Variants in ERICH5 observed in about 807,000 individuals in gnomAD.
ERICH5 encodes glutamate rich 5, also known as glutamate-rich protein 5.
Under a neutral mutation model 28.0 loss-of-function variants are expected in ERICH5, and 24 were observed. The observed-to-expected ratio is 0.86, with a 90% CI of 0.62 to 1.21. The LOEUF is 1.21. Ranked by LOEUF, ERICH5 falls within the 50% of genes most tolerant of loss-of-function variation. The pLI, the probability that ERICH5 is intolerant of heterozygous loss-of-function variation, is 0.00. For missense variants in ERICH5, 421 were observed against 441.2 expected (o/e 0.95, Z 0.41); for synonymous variants, 163 against 157.6 (o/e 1.03, Z -0.25).
chr8:98,089,536 G>A lies in ERICH5; in HGVS notation c.519G>A (p.Val173=). 1 of 1,614,180 alleles carries A rather than the reference G, an allele frequency of 6.2e-7. No homozygotes were observed. Among genetic ancestry groups the A allele is most frequent in the Non-Finnish European group, 8.5e-7 (1 of 1,180,024 alleles). ...TAGAGAAGGACTCTCTCAGAGCAGT[G>A]GAGGTCACTGAGAATCCACAAACTG... ...AAVEKDSLRA[V]EVTENPQTAA... The change falls in exon 2 of 3, where the codon GTG becomes GTA. Residue 173 remains valine (V), a synonymous_variant. Coordinates refer to ENST00000318528, the MANE Select transcript of ERICH5 (RefSeq NM_173549.3).
At chr8:98,068,387 C>T (rs1011515934) in intron 1 of ERICH5, among the ~76,000 whole-genome samples, 2 of 152,106 alleles carry the variant, frequency 1.3e-5, no homozygotes, top group African/African-American at 2.4e-5. Context: ...CTCCTCACAG[C>T]GTAGAACAGT....
Position 98,090,791 on chromosome 8 carries a change from G to A in ERICH5, c.1012+762G>A, listed in dbSNP as rs539926303. Among the ~76,000 whole-genome samples the A allele has an allele frequency of 2.1e-3, 314 of 152,044 alleles. 2 individuals are homozygous for A. The highest frequency in any genetic ancestry group is 7.1e-3 in the African/African-American group (294 of 41,474). ...GATGTTTACAGTGTTCTTTATTGGT[G>A]TTATAATTTAAAAAAATATTTTCTT... On this transcript the variant is annotated intron_variant, in intron 2 of 2. Transcript: ENST00000318528.
At chr8:98,073,905 AT>A (rs1814998801) in intron 1 of ERICH5, among the ~76,000 whole-genome samples, 2 of 119,540 alleles carry the variant, frequency 1.7e-5, no homozygotes, top group African/African-American at 3.4e-5. Context: ...CACTTTTTAA[AT>A]TTTTCTCTCT....
chr8:98,092,465 C>T (rs1009004425), intron 2 of ERICH5, among the ~76,000 whole-genome samples: 4 of 152,144 alleles, frequency 2.6e-5, no homozygotes, highest in Non-Finnish European at 5.9e-5. Context: ...CCCAGCTGTC[C>T]AGCTAATTTT....
intron 1 of ERICH5, among the ~76,000 whole-genome samples, chr8:98,072,077 C>A (rs972916219): frequency 6.6e-6 from 1 of 152,004 alleles, no homozygotes; most frequent in South Asian, 2.1e-4. Flanking sequence ...CAGCTAAAAC[C>A]CCCTAGGAAT....
At chr8:98,091,836 T>C (rs191911958) in intron 2 of ERICH5, among the ~76,000 whole-genome samples, 244 of 107,260 alleles carry the variant, frequency 2.3e-3, no homozygotes, top group Non-Finnish European at 3.1e-3. Flanking sequence ...TTCTTTTTCT[T>C]TTTCTTTCTT....
Position 98,073,403 on chromosome 8 carries a change from CCT to C in ERICH5, c.58+8705_58+8706del, listed in dbSNP as rs372150799. ...ACCAGCCTAACCAACATAGTGAGAC[CCT>C]CTCTCTCTCTCTCTCTCTCTCTCTC... On this transcript the variant is annotated intron_variant, in intron 1 of 2. Transcript: ENST00000318528. Among the ~76,000 whole-genome samples, 189 of 26,824 alleles carry C rather than the reference CCT, an allele frequency of 7.0e-3. 15 individuals carry two copies. Among genetic ancestry groups the C allele is most frequent in the African/African-American group, 9.9e-3 (43 of 4,364 alleles). The allele number at this position is 26,824 out of a possible 152,430, so 17.6% of individuals were successfully genotyped here.
intron 1 of ERICH5, among the ~76,000 whole-genome samples, chr8:98,068,610 A>C (rs1814858697): frequency 1.3e-5 from 2 of 152,212 alleles, no homozygotes. Flanking sequence ...TTGACTCCAC[A>C]GACCTTAATG....
In ERICH5 at chr8:98,086,550, G is replaced by A. The variant is rs569049677; in HGVS notation, c.59-2526G>A. Among the ~76,000 whole-genome samples, 5 of 152,312 alleles carry A rather than the reference G, an allele frequency of 3.3e-5. No individual in the cohort carries two copies. In the East Asian group the frequency reaches 7.7e-4, roughly 23 times the overall value. On this transcript the variant is annotated intron_variant, in intron 1 of 2. Coordinates refer to ENST00000318528, the MANE Select transcript of ERICH5 (RefSeq NM_173549.3). ...TTGTAATAGCTTAATATATGGCTCA[G>A]TTCTTCATAGAAGACACAGTCATTA...
Position 98,093,288 on chromosome 8 carries a change from A to C in ERICH5, c.1080A>C (p.Lys360Asn). The change falls in exon 3 of 3, where the codon AAA (lysine) becomes AAC (asparagine). Residue 360 changes from lysine (K) to asparagine (N), a missense_variant. Transcript: ENST00000318528. ...AAGTGAGTGAAGGGGCTGAAACCAAAGAAGAAGAAACAGGAGAAGTGGTGG... is the reference window on the plus strand; with the variant it reads ...AAGTGAGTGAAGGGGCTGAAACCAACGAAGAAGAAACAGGAGAAGTGGTGG... ...NEKVSEGAET[K>N]EEETGEVVDL... is the part of the protein sequence containing the mutation. 1 of 1,613,908 alleles carries C rather than the reference A, an allele frequency of 6.2e-7. No individual in the cohort carries two copies. The highest frequency in any genetic ancestry group is 8.5e-7 in the Non-Finnish European group (1 of 1,179,824).
Position 98,093,549 on chromosome 8 carries a change from G to T in ERICH5, c.*216G>T. Reference sequence around the variant, plus strand: ...CATGAACAGTTTTCTTAGCTACTTAGAATGGTTATACATTTAAAAGTATAA... The same window carrying T: ...CATGAACAGTTTTCTTAGCTACTTATAATGGTTATACATTTAAAAGTATAA... On this transcript the variant is annotated 3_prime_UTR_variant, in exon 3 of 3. Transcript: ENST00000318528. The T allele has an allele frequency of 2.6e-6, 1 of 383,144 alleles. No individual in the cohort carries two copies. 23.7% of individuals were successfully genotyped at this position (383,144 alleles called of 1,614,324 possible).
chr8:98,091,993 C>CTTCCTTCCTTCCTTCCTT (rs1554621761), intron 2 of ERICH5, among the ~76,000 whole-genome samples: 2 of 55,024 alleles, frequency 3.6e-5, no homozygotes, highest in African/African-American at 1.4e-4. Context: ...TCTCTCTCTC[C>CTTCCTTCCTTCCTTCCTT]CCTTCCTTCC....
chr8:98,091,836 T>TTTTC (rs3074382), intron 2 of ERICH5, among the ~76,000 whole-genome samples: 4,550 of 107,020 alleles, frequency 0.043, 255 homozygotes, highest in African/African-American at 0.052. Flanking sequence ...TTCTTTTTCT[T>TTTTC]TTTCTTTCTT....
Position 98,080,116 on chromosome 8 carries a change from G to A in ERICH5, c.59-8960G>A, listed in dbSNP as rs76360101. On this transcript the variant is annotated intron_variant, in intron 1 of 2. Transcript: ENST00000318528. ...CCAAGGCTGCATGCAGTTCTGCCCC[G>A]TGCAGTGAGAAGCTTGTACAGCTGT... Among the ~76,000 whole-genome samples, 187 of 152,328 alleles carry A rather than the reference G, an allele frequency of 1.2e-3. 3 individuals carry two copies. In the East Asian group the frequency reaches 0.031, roughly 26 times the overall value.
intron 1 of ERICH5, among the ~76,000 whole-genome samples, chr8:98,083,699 T>C (rs1815220625): frequency 6.6e-6 from 1 of 152,122 alleles, no homozygotes; most frequent in South Asian, 2.1e-4. Context: ...AATTTGTTAA[T>C]AAGATAGAGA....
At chr8:98,090,309 A>T (rs1252369313) in intron 2 of ERICH5, among the ~76,000 whole-genome samples, 2 of 152,296 alleles carry the variant, frequency 1.3e-5, no homozygotes, top group East Asian at 1.9e-4. Flanking sequence ...AACTTTCTGA[A>T]TTTTTCCAAG....
At chr8:98,068,142 C>A (rs1374288330) in intron 1 of ERICH5, among the ~76,000 whole-genome samples, 2 of 152,138 alleles carry the variant, frequency 1.3e-5, no homozygotes, top group Non-Finnish European at 2.9e-5. Context: ...CAGGTATGAG[C>A]CACTGTGCCC....
intron 1 of ERICH5, among the ~76,000 whole-genome samples, chr8:98,085,499 G>A (rs1309567358): frequency 6.6e-6 from 1 of 152,078 alleles, no homozygotes; most frequent in African/African-American, 2.4e-5. Flanking sequence ...CCTGTTGATG[G>A]ACACTTGGGT....
chr8:98,068,457 A>G lies in ERICH5; in HGVS notation c.58+3730A>G, dbSNP rs1291761198. Among the ~76,000 whole-genome samples, 5 of 152,216 alleles carry G rather than the reference A, an allele frequency of 3.3e-5. No individual in the cohort carries two copies. In the East Asian group the frequency reaches 9.6e-4, roughly 29 times the overall value. On this transcript the variant is annotated intron_variant, in intron 1 of 2. Transcript: ENST00000318528. Reference sequence around the variant, plus strand: ...GACGTGCCCTGAAATGTGTGAGGAAAGAGACTTTTCATTCCAAAGGATAAT... The same window carrying G: ...GACGTGCCCTGAAATGTGTGAGGAAGGAGACTTTTCATTCCAAAGGATAAT...
Sources: gnomAD v4.1 joint callset for allele counts (sites outside exome capture counted in the v4.1 genomes callset) on GRCh38, gnomAD v4.1.1 for gene constraint, MANE v1.5 for transcripts, NCBI Gene and HGNC (gene_info 2026-07-23, HGNC 2026-07-21) for gene names.